Variants in ADAMTS17 observed in about 807,000 individuals in gnomAD.
The protein encoded by ADAMTS17 is ADAM metallopeptidase with thrombospondin type 1 motif 17.
Under a neutral mutation model 141.5 loss-of-function variants are expected in ADAMTS17, and 113 were observed. The ratio of observed to expected loss-of-function variants is 0.80; its 90% CI spans 0.69 to 0.93. The LOEUF is 0.93. ADAMTS17 is among the 40% of genes least tolerant of loss of function. ADAMTS17 has a pLI of 0.00. For missense variants in ADAMTS17, 1,659 were observed against 1,517.9 expected, an observed-to-expected ratio of 1.09 and a Z score of -1.54; for synonymous variants, 768 against 630.6, an observed-to-expected ratio of 1.22 and a Z score of -3.27.
At chr15:100,294,021 G>A (rs148876321) in intron 3 of ADAMTS17, among the ~76,000 whole-genome samples, 1 of 152,144 alleles carries the variant, frequency 6.6e-6, no homozygotes, top group African/African-American at 2.4e-5. Context: ...GTGACAGTGG[G>A]TGAGTTTCCT....
chr15:100,005,321 G>A (rs1478487160), intron 18 of ADAMTS17, among the ~76,000 whole-genome samples: 1 of 152,184 alleles, frequency 6.6e-6, no homozygotes, highest in Non-Finnish European at 1.5e-5. Context: ...AGTTCTGGAG[G>A]TCAGAAGTCT....
chr15:100,229,940 G>C lies in ADAMTS17; in HGVS notation c.1075+24196C>G, dbSNP rs115301692. 6.2e-3 allele frequency among the ~76,000 whole-genome samples: 945 copies of C among 152,258 alleles called. 8 individuals carry two copies. The highest frequency in any genetic ancestry group is 0.021 in the African/African-American group (877 of 41,534). ...AGTCACCTGAGATGATCAGTGCAGG[G>C]AAAGCCTGCCTGTGTTGGCCTCCCT... On this transcript the variant is annotated intron_variant, in intron 7 of 21. Coordinates refer to ENST00000268070, the MANE Select transcript of ADAMTS17 (RefSeq NM_139057.4).
chr15:100,099,464 AT>A (rs2035964378), intron 14 of ADAMTS17, among the ~76,000 whole-genome samples: 1 of 152,168 alleles, frequency 6.6e-6, no homozygotes, highest in Non-Finnish European at 1.5e-5. Flanking sequence ...AGCTTTGATG[AT>A]TGTATTTATG....
In ADAMTS17 at chr15:100,261,604, C is replaced by G. The variant is rs2043519786; in HGVS notation, c.906G>C (p.Arg302=). Residue 302 remains arginine (R), a synonymous_variant, in exon 6 of 22, where the codon CGG becomes CGC. Transcript: ENST00000268070. ...AKLSIGHHGE[R]SLESFCHWQN... ...GCCAGTGACAGAAGCTCTCCAGGGA[C>G]CGCTCACCATGGTGCCCAATGGACA... is the stretch of plus-strand genomic sequence containing the variant. 1.2e-6 allele frequency: 2 copies of G among 1,613,928 alleles called. No homozygotes were observed. Among genetic ancestry groups the G allele is most frequent in the Admixed American group, 3.3e-5 (2 of 59,986 alleles).
chr15:100,014,972 C>T (rs927566513), intron 18 of ADAMTS17, among the ~76,000 whole-genome samples: 4 of 152,126 alleles, frequency 2.6e-5, no homozygotes, highest in Non-Finnish European at 5.9e-5. Context: ...TGAAGTCCCC[C>T]ACTATTATTG....
intron 14 of ADAMTS17, among the ~76,000 whole-genome samples, chr15:100,101,473 C>G (rs1294112028): frequency 1.3e-5 from 2 of 152,318 alleles, no homozygotes; most frequent in Admixed American, 1.3e-4. Flanking sequence ...TATGGGTTTT[C>G]TGCTATGTCT....
chr15:100,267,338 T>C (rs112154454), intron 4 of ADAMTS17, among the ~76,000 whole-genome samples: 533 of 152,314 alleles, frequency 3.5e-3, no homozygotes, highest in African/African-American at 0.012. Context: ...TAATATTCCA[T>C]TGTATGGACA....
At chr15:100,228,098 C>G (rs553431449) in intron 7 of ADAMTS17, among the ~76,000 whole-genome samples, 4 of 152,304 alleles carry the variant, frequency 2.6e-5, no homozygotes, top group East Asian at 3.9e-4. Flanking sequence ...CCTTCATGTT[C>G]CTCAAATGCT....
At chr15:100,056,481 C>G (rs760314218) in intron 15 of ADAMTS17, among the ~76,000 whole-genome samples, 6 of 152,124 alleles carry the variant, frequency 3.9e-5, no homozygotes, top group Non-Finnish European at 7.4e-5. Context: ...ATGAAACTTT[C>G]CACCTCAGAT....
At chr15:100,036,648 A>C (rs745597232) in intron 18 of ADAMTS17, among the ~76,000 whole-genome samples, 10 of 152,250 alleles carry the variant, frequency 6.6e-5, no homozygotes, top group Admixed American at 2.6e-4. Flanking sequence ...TCTGAAGCGC[A>C]CAATTCAATG....
At chr15:100,069,086 C>T (rs1389271764) in intron 15 of ADAMTS17, among the ~76,000 whole-genome samples, 5 of 152,154 alleles carry the variant, frequency 3.3e-5, no homozygotes, top group South Asian at 2.1e-4. Flanking sequence ...ATGAGAACTA[C>T]GTGACGAATG....
chr15:100,330,650 G>A (rs921150515), intron 3 of ADAMTS17, among the ~76,000 whole-genome samples: 2 of 152,134 alleles, frequency 1.3e-5, no homozygotes, highest in Non-Finnish European at 1.5e-5. Context: ...ATAAAATTGA[G>A]GGACTGCATG....
intron 15 of ADAMTS17, among the ~76,000 whole-genome samples, chr15:100,090,519 C>T (rs1479613815): frequency 6.6e-6 from 1 of 152,146 alleles, no homozygotes; most frequent in African/African-American, 2.4e-5. Context: ...CTTAACTTTG[C>T]CACAGGATGC....
At chr15:100,011,398 A>T (rs999612748) in intron 18 of ADAMTS17, among the ~76,000 whole-genome samples, 1 of 140,234 alleles carries the variant, frequency 7.1e-6, no homozygotes, top group East Asian at 2.1e-4. Context: ...AAGGGAGGGA[A>T]GGAAGGAGGA....
Position 100,006,045 on chromosome 15 carries a change from C to G in ADAMTS17, c.2592-8456G>C, listed in dbSNP as rs113760723. 9.0e-3 allele frequency among the ~76,000 whole-genome samples: 1,367 copies of G among 152,242 alleles called. 17 individuals carry two copies. Among genetic ancestry groups the G allele is most frequent in the African/African-American group, 0.031 (1,286 of 41,546 alleles). On this transcript the variant is annotated intron_variant, in intron 18 of 21. Coordinates refer to ENST00000268070, the MANE Select transcript of ADAMTS17 (RefSeq NM_139057.4). The stretch of plus-strand genomic sequence containing the variant: ...CATGACCCTCTTCTTATAAGGATAC[C>G]TGTCATATCAGATCAGGGCCCAACC...
intron 18 of ADAMTS17, among the ~76,000 whole-genome samples, chr15:100,002,076 A>G (rs557100825): frequency 2.0e-5 from 3 of 151,624 alleles, no homozygotes; most frequent in South Asian, 2.1e-4. Flanking sequence ...GACTTCATCA[A>G]TGTTGTCCAA....
chr15:100,004,560 A>G (rs1046452292), intron 18 of ADAMTS17, among the ~76,000 whole-genome samples: 2 of 151,982 alleles, frequency 1.3e-5, no homozygotes, highest in African/African-American at 4.8e-5. Flanking sequence ...TTTAACAGCA[A>G]TATTTATTAG....
chr15:100,151,772 G>C (rs905023260), intron 10 of ADAMTS17, among the ~76,000 whole-genome samples: 4 of 152,150 alleles, frequency 2.6e-5, no homozygotes, highest in Admixed American at 1.3e-4. Flanking sequence ...GGCCTTCCCT[G>C]TCTGCTACAC....
At chr15:100,207,530 ATG>A (rs1199218408) in intron 7 of ADAMTS17, among the ~76,000 whole-genome samples, 197 of 152,280 alleles carry the variant, frequency 1.3e-3, no homozygotes, top group East Asian at 0.012. Context: ...CAGCCACCTA[ATG>A]CGCCATGGGC....
Sources: gnomAD v4.1 joint callset for allele counts (sites outside exome capture counted in the v4.1 genomes callset) on GRCh38, gnomAD v4.1.1 for gene constraint, MANE v1.5 for transcripts, NCBI Gene and HGNC (gene_info 2026-07-23, HGNC 2026-07-21) for gene names.